The following CNTNAP2 variants were observed in gnomAD, a reference collection of about 807,000 sequenced individuals.
CNTNAP2 encodes the protein contactin-associated protein-like 2.
CNTNAP2 carries 98 observed loss-of-function variants against 155.2 expected under a neutral mutation model. That is an observed-to-expected ratio of 0.63 (90% confidence interval 0.54 to 0.75). CNTNAP2 has a LOEUF of 0.75. Ranked by LOEUF, CNTNAP2 falls within the 30% of genes least tolerant of loss-of-function variation. The probability of loss-of-function intolerance (pLI) is 0.00; values close to 1 mark genes in which losing one functional copy is unlikely to be tolerated. For synonymous variants in CNTNAP2, 651 were observed against 631.2 expected (o/e 1.03, Z -0.47); for missense variants, 1,727 against 1,688.1 (o/e 1.02, Z -0.40).
chr7:147,916,028 C>G, intron 14 of CNTNAP2, among the ~76,000 whole-genome samples: 1 of 152,146 alleles, frequency 6.6e-6, no homozygotes, highest in East Asian at 1.9e-4. Context: ...GGGTTAAGAG[C>G]CTCAGGCAAG....
intron 1 of CNTNAP2, among the ~76,000 whole-genome samples, chr7:146,232,941 A>G (rs1799410438): frequency 6.6e-6 from 1 of 152,180 alleles, no homozygotes; most frequent in Non-Finnish European, 1.5e-5. Flanking sequence ...TAAGGTAGAG[A>G]GACAAAAACC....
At chr7:147,011,826 G>A (rs1293110535) in intron 3 of CNTNAP2, among the ~76,000 whole-genome samples, 4 of 152,198 alleles carry the variant, frequency 2.6e-5, no homozygotes, top group African/African-American at 9.6e-5. Context: ...TTTGATGGCA[G>A]CCATTCCAGA....
intron 17 of CNTNAP2, among the ~76,000 whole-genome samples, chr7:148,167,706 G>A (rs1205548496): frequency 6.6e-6 from 1 of 152,094 alleles, no homozygotes; most frequent in African/African-American, 2.4e-5. Flanking sequence ...TGGGGAAACC[G>A]ACGCTGAGAG....
At chr7:146,124,012 G>A (rs142362833) in intron 1 of CNTNAP2, among the ~76,000 whole-genome samples, 5,667 of 152,074 alleles carry the variant, frequency 0.037, 369 homozygotes, top group African/African-American at 0.13. Context: ...AAAACCAAAC[G>A]TTGCATGTTC....
chr7:146,928,874 A>G (rs1796673671), intron 3 of CNTNAP2, among the ~76,000 whole-genome samples: 1 of 152,114 alleles, frequency 6.6e-6, no homozygotes, highest in African/African-American at 2.4e-5. Context: ...GGTGGCAGGG[A>G]GGCTGGGGGA....
At chr7:146,319,583 C>T (rs921382694) in intron 1 of CNTNAP2, among the ~76,000 whole-genome samples, 7 of 152,148 alleles carry the variant, frequency 4.6e-5, no homozygotes, top group Admixed American at 3.9e-4. Context: ...TTTGAACTCA[C>T]ATTGTTTTGA....
At chr7:147,401,443 A>AT (rs1156499523) in intron 10 of CNTNAP2, among the ~76,000 whole-genome samples, 13 of 152,170 alleles carry the variant, frequency 8.5e-5, no homozygotes, top group Admixed American at 7.9e-4. Context: ...ATCCAGTTTG[A>AT]TTTTTTTCTT....
intron 14 of CNTNAP2, among the ~76,000 whole-genome samples, chr7:147,953,951 G>C (rs930767222): frequency 6.6e-6 from 1 of 152,134 alleles, no homozygotes; most frequent in Non-Finnish European, 1.5e-5. Flanking sequence ...ATATCGAGAA[G>C]TACCAGGGGT....
intron 8 of CNTNAP2, among the ~76,000 whole-genome samples, chr7:147,272,296 C>A (rs1487266853): frequency 6.6e-6 from 1 of 152,156 alleles, no homozygotes; most frequent in Non-Finnish European, 1.5e-5. Context: ...GACTCCCTTA[C>A]ATAATGTTAG....
chr7:146,917,813 C>T (rs1346066806), intron 3 of CNTNAP2, among the ~76,000 whole-genome samples: 2 of 152,138 alleles, frequency 1.3e-5, no homozygotes, highest in Admixed American at 6.6e-5. Context: ...GACTTTGCAC[C>T]TCCTTGCTTT....
At chr7:147,556,971 G>A (rs865813209) in intron 11 of CNTNAP2, among the ~76,000 whole-genome samples, 1 of 152,080 alleles carries the variant, frequency 6.6e-6, no homozygotes, top group South Asian at 2.1e-4. Flanking sequence ...TTAGTGGCTG[G>A]GCACAGTGGC....
At chr7:147,823,520 G>A (rs892746812) in intron 13 of CNTNAP2, among the ~76,000 whole-genome samples, 9 of 152,004 alleles carry the variant, frequency 5.9e-5, no homozygotes, top group African/African-American at 1.7e-4. Context: ...ATGAAGACAC[G>A]CGCCCTGAAA....
At chr7:147,951,161 T>C (rs930024113) in intron 14 of CNTNAP2, among the ~76,000 whole-genome samples, 5 of 152,196 alleles carry the variant, frequency 3.3e-5, no homozygotes, top group Non-Finnish European at 5.9e-5. Flanking sequence ...AAGTTGTGCC[T>C]TCCAGGATCA....
At chr7:147,006,516 G>C (rs758018091) in intron 3 of CNTNAP2, among the ~76,000 whole-genome samples, 3 of 151,770 alleles carry the variant, frequency 2.0e-5, no homozygotes, top group African/African-American at 4.8e-5. Flanking sequence ...TGTATTTTGG[G>C]GTTGCATATT....
Position 146,403,276 on chromosome 7 carries a change from A to G in CNTNAP2, c.97+286303A>G, listed in dbSNP as rs138646015. 2.6e-3 allele frequency among the ~76,000 whole-genome samples: 395 copies of G among 152,310 alleles called. 1 individual carries two copies. Among genetic ancestry groups the G allele is most frequent in the African/African-American group, 8.4e-3 (350 of 41,584 alleles). On this transcript the variant is annotated intron_variant, in intron 1 of 23. Coordinates refer to ENST00000361727, the MANE Select transcript of CNTNAP2 (RefSeq NM_014141.6). ...TTGGGTGATAATCCAGTAATTATCA[A>G]TAGTCACTTGCTATCATATTCGGAT...
chr7:146,393,067 A>C (rs1177633013), intron 1 of CNTNAP2, among the ~76,000 whole-genome samples: 3 of 152,204 alleles, frequency 2.0e-5, no homozygotes, highest in Non-Finnish European at 4.4e-5. Context: ...TGAAATGAAG[A>C]AAATAGTGCT....
At chr7:147,062,188 A>C in intron 4 of CNTNAP2, among the ~76,000 whole-genome samples, 1 of 146,390 alleles carries the variant, frequency 6.8e-6, no homozygotes, top group South Asian at 2.1e-4. Context: ...TTTATGATAT[A>C]TATAAAATTA....
chr7:147,567,243 G>A (rs575077707), intron 12 of CNTNAP2, among the ~76,000 whole-genome samples: 2 of 152,310 alleles, frequency 1.3e-5, no homozygotes, highest in East Asian at 3.9e-4. Flanking sequence ...GCTGACTCAT[G>A]AGCTGAGTGT....
intron 1 of CNTNAP2, among the ~76,000 whole-genome samples, chr7:146,488,241 C>A (rs1797085596): frequency 6.7e-6 from 1 of 149,822 alleles, no homozygotes; most frequent in African/African-American, 2.5e-5. Context: ...GGCTTTCTTT[C>A]TTTCCTCCCT....
Sources: allele counts gnomAD v4.1 joint callset (sites outside exome capture counted in the v4.1 genomes callset), GRCh38; gene constraint gnomAD v4.1.1; transcripts MANE v1.5; gene names NCBI Gene and HGNC (gene_info 2026-07-23, HGNC 2026-07-21).